Variants in AGBL4 observed in about 807,000 individuals in gnomAD.
AGBL4 encodes cytosolic carboxypeptidase 6.
Under a neutral mutation model 66.4 loss-of-function variants are expected in AGBL4, and 58 were observed. That is an observed-to-expected ratio of 0.87 (90% CI 0.71 to 1.09). AGBL4 has a LOEUF of 1.09. Ranked by LOEUF, AGBL4 falls within the 50% of genes least tolerant of loss-of-function variation. The pLI is 0.00. For missense variants in AGBL4, 579 were observed against 631.0 expected, an observed-to-expected ratio of 0.92 and a Z score of 0.88; for synonymous variants, 234 against 222.9, an observed-to-expected ratio of 1.05 and a Z score of -0.44.
At chr1:48,864,353 T>C (rs557339340) in intron 6 of AGBL4, among the ~76,000 whole-genome samples, 5 of 152,304 alleles carry the variant, frequency 3.3e-5, no homozygotes, top group African/African-American at 1.2e-4. Context: ...GTAAATATGT[T>C]CAATTACTTT....
intron 3 of AGBL4, among the ~76,000 whole-genome samples, chr1:49,627,759 T>C (rs1468019331): frequency 1.3e-5 from 2 of 152,186 alleles, no homozygotes; most frequent in Non-Finnish European, 2.9e-5. Context: ...CTCCTTCACC[T>C]GGTCATATAG....
intron 3 of AGBL4, among the ~76,000 whole-genome samples, chr1:49,488,603 ACTCATC>A (rs1647119344): frequency 6.6e-6 from 1 of 151,654 alleles, no homozygotes; most frequent in South Asian, 2.1e-4. Flanking sequence ...TATTGACTGT[ACTCATC>A]CTGTAGTGCT....
intron 3 of AGBL4, among the ~76,000 whole-genome samples, chr1:49,619,319 C>T (rs1007326758): frequency 6.6e-6 from 1 of 152,096 alleles, no homozygotes; most frequent in Non-Finnish European, 1.5e-5. Flanking sequence ...TTCCTATACA[C>T]CAATAATAGG....
At chr1:49,674,834 C>G (rs371828446) in intron 3 of AGBL4, among the ~76,000 whole-genome samples, 1 of 151,978 alleles carries the variant, frequency 6.6e-6, no homozygotes, top group Non-Finnish European at 1.5e-5. Flanking sequence ...CAAGCAGTAA[C>G]GAAACAATGT....
intron 6 of AGBL4, among the ~76,000 whole-genome samples, chr1:48,805,218 G>GT (rs1483880968): frequency 2.5e-4 from 38 of 152,180 alleles, no homozygotes; most frequent in Admixed American, 2.5e-3. Context: ...GGGGTTTGGG[G>GT]TAGGGAGTGC....
chr1:48,690,585 A>G (rs1646613572), intron 6 of AGBL4, among the ~76,000 whole-genome samples: 1 of 152,150 alleles, frequency 6.6e-6, no homozygotes, highest in Non-Finnish European at 1.5e-5. Flanking sequence ...CAAGTCACAT[A>G]TAAGATGTTT....
chr1:49,454,699 C>T (rs1465354159), intron 3 of AGBL4, among the ~76,000 whole-genome samples: 2 of 151,406 alleles, frequency 1.3e-5, no homozygotes, highest in African/African-American at 4.8e-5. Flanking sequence ...TTTCTGAATG[C>T]TAGGGTGAGG....
At chr1:49,845,357 G>A in intron 2 of AGBL4, 1 of 1,430,552 alleles carries the variant, frequency 7.0e-7, no homozygotes, top group Non-Finnish European at 9.9e-7. Context: ...AAATCCTTCA[G>A]TTTTATGTCC....
intron 7 of AGBL4, among the ~76,000 whole-genome samples, chr1:48,654,494 T>C (rs188680890): frequency 3.3e-5 from 5 of 152,292 alleles, no homozygotes; most frequent in African/African-American, 1.2e-4. Flanking sequence ...TAGCATTCCA[T>C]GAAATTACTA....
In AGBL4 at chr1:49,406,958, G is replaced by A. The variant is rs189566303; in HGVS notation, c.283-161094C>T. Among the ~76,000 whole-genome samples, 996 of 151,008 alleles carry A rather than the reference G, an allele frequency of 6.6e-3. 5 individuals carry two copies. Among genetic ancestry groups the A allele is most frequent in the Middle Eastern group, 0.017 (5 of 290 alleles). ...CGGGCGCCTGTAGTCCCAGCTACTCGGTAGGCTGAGGCAGGAGAATGGCGT... is the reference window on the plus strand; with the variant it reads ...CGGGCGCCTGTAGTCCCAGCTACTCAGTAGGCTGAGGCAGGAGAATGGCGT... On this transcript the variant is annotated intron_variant, in intron 3 of 13. Coordinates refer to ENST00000371839, the MANE Select transcript of AGBL4 (RefSeq NM_032785.4).
Position 48,877,846 on chromosome 1 carries a change from C to T in AGBL4, c.595-10616G>A, listed in dbSNP as rs943250577. On this transcript the variant is annotated intron_variant, in intron 5 of 13. Coordinates refer to ENST00000371839, the MANE Select transcript of AGBL4 (RefSeq NM_032785.4). ...GAGCAATGGTGCCAGAATAAGATGC[C>T]CCAGCTCTGGGCCATAGATCAGAGC... Among the ~76,000 whole-genome samples, 5 of 152,110 alleles carry T rather than the reference C, an allele frequency of 3.3e-5. No individual in the cohort carries two copies. In the East Asian group the frequency reaches 5.8e-4, roughly 18 times the overall value.
chr1:49,237,564 AT>A (rs1650885282), intron 4 of AGBL4, among the ~76,000 whole-genome samples: 1 of 51,526 alleles, frequency 1.9e-5, no homozygotes, highest in African/African-American at 6.0e-5. Flanking sequence ...ATATATATAT[AT>A]ATATATATAA....
intron 4 of AGBL4, among the ~76,000 whole-genome samples, chr1:49,164,071 A>G (rs890390140): frequency 6.6e-6 from 1 of 152,210 alleles, no homozygotes; most frequent in Non-Finnish European, 1.5e-5. Context: ...TTGTGTGCAT[A>G]GTATATGTGT....
intron 5 of AGBL4, among the ~76,000 whole-genome samples, chr1:48,965,020 G>T (rs1418604892): frequency 6.6e-6 from 1 of 152,124 alleles, no homozygotes; most frequent in Non-Finnish European, 1.5e-5. Context: ...TCCTCAGTTT[G>T]CTGCTAGCTG....
At chr1:48,637,075 G>A in intron 8 of AGBL4, among the ~76,000 whole-genome samples, 1 of 152,270 alleles carries the variant, frequency 6.6e-6, no homozygotes. Context: ...ATGCTTACAG[G>A]TTTATATCCA....
Position 48,588,463 on chromosome 1 carries a change from G to A in AGBL4, c.1105-1297C>T, listed in dbSNP as rs190462531. ...GTGAAAATAATATCTCTTTCACAGA[G>A]TTGTGAGGGTCAGTTCACTTGGGGT... is the stretch of plus-strand genomic sequence containing the variant. On this transcript the variant is annotated intron_variant, in intron 10 of 13. Coordinates refer to ENST00000371839, the MANE Select transcript of AGBL4 (RefSeq NM_032785.4). Among the ~76,000 whole-genome samples, 18 of 152,332 alleles carry A rather than the reference G, an allele frequency of 1.2e-4. 1 individual carries two copies. The East Asian group carries it at 2.1e-3, about 18-fold the overall frequency.
intron 3 of AGBL4, among the ~76,000 whole-genome samples, chr1:49,293,252 C>G (rs1644577922): frequency 1.3e-5 from 2 of 152,220 alleles, no homozygotes; most frequent in African/African-American, 2.4e-5. Context: ...GGACTCCATG[C>G]TCACTCACTC....
At chr1:49,845,976 G>T (rs1226960162) in intron 2 of AGBL4, 1 of 1,577,406 alleles carries the variant, frequency 6.3e-7, no homozygotes, top group Admixed American at 1.7e-5. Context: ...AAACATCAGC[G>T]AAACCACACT....
At chr1:49,945,993 C>G (rs1181302981) in intron 1 of AGBL4, among the ~76,000 whole-genome samples, 1 of 151,878 alleles carries the variant, frequency 6.6e-6, no homozygotes, top group Non-Finnish European at 1.5e-5. Flanking sequence ...AAGGCCTTGT[C>G]CAACAGGAAA....
Sources: gnomAD v4.1 joint callset for allele counts (sites outside exome capture counted in the v4.1 genomes callset) on GRCh38, gnomAD v4.1.1 for gene constraint, MANE v1.5 for transcripts, NCBI Gene and HGNC (gene_info 2026-07-23, HGNC 2026-07-21) for gene names.